The following ZNF385B variants were observed in gnomAD, a reference collection of about 807,000 sequenced individuals.
The protein encoded by ZNF385B is zinc finger protein 533.
In ZNF385B, 23 loss-of-function variants were observed where a neutral mutation model predicts 39.2. That is an observed-to-expected ratio of 0.59 (90% CI 0.42 to 0.83). The LOEUF is 0.83. Ranked by LOEUF, ZNF385B falls within the 40% of genes least tolerant of loss-of-function variation. ZNF385B has a pLI of 0.00. For synonymous variants in ZNF385B, 205 were observed against 222.6 expected, an observed-to-expected ratio of 0.92 and a Z score of 0.70; for missense variants, 552 against 598.9, an observed-to-expected ratio of 0.92 and a Z score of 0.82.
intron 3 of ZNF385B, among the ~76,000 whole-genome samples, chr2:179,698,664 A>G (rs566121496): frequency 3.9e-5 from 6 of 152,202 alleles, no homozygotes; most frequent in Non-Finnish European, 7.4e-5. Context: ...ATAGAGTTGA[A>G]AAGAGGAGTG....
intron 3 of ZNF385B, among the ~76,000 whole-genome samples, chr2:179,556,132 C>T (rs576128245): frequency 6.8e-6 from 1 of 147,648 alleles, no homozygotes; most frequent in South Asian, 2.2e-4. Flanking sequence ...AGAATATGTA[C>T]AGCCAAGTGG....
intron 3 of ZNF385B, among the ~76,000 whole-genome samples, chr2:179,625,623 A>C (rs1427341330): frequency 6.6e-6 from 1 of 152,058 alleles, no homozygotes; most frequent in African/African-American, 2.4e-5. Flanking sequence ...TGTGTGTGTG[A>C]GGTGCTTGAT....
chr2:179,803,306 G>A (rs755608159), intron 1 of ZNF385B, among the ~76,000 whole-genome samples: 1 of 152,036 alleles, frequency 6.6e-6, no homozygotes, highest in African/African-American at 2.4e-5. Context: ...CCACAGTAAT[G>A]TTTCGTTATA....
intron 3 of ZNF385B, among the ~76,000 whole-genome samples, chr2:179,605,449 C>T (rs2106115079): frequency 6.6e-6 from 1 of 152,002 alleles, no homozygotes; most frequent in African/African-American, 2.4e-5. Flanking sequence ...AAATGAGAGG[C>T]CAAGACATGA....
At chr2:179,808,369 G>A (rs868011554) in intron 1 of ZNF385B, among the ~76,000 whole-genome samples, 20 of 152,278 alleles carry the variant, frequency 1.3e-4, no homozygotes, top group Admixed American at 2.6e-4. Flanking sequence ...AAAGTAAAGT[G>A]CACACTCAAG....
At position 179,443,090 on chromosome 2, in the gene ZNF385B, C is replaced by G. The variant is rs1171010837; in HGVS notation, c.*160G>C. The G allele has an allele frequency of 1.4e-5, 11 of 784,710 alleles. No individual in the cohort carries two copies. The highest frequency in any genetic ancestry group is 1.5e-5 in the Non-Finnish European group (7 of 463,992). The allele number at this position is 784,710 out of a possible 1,614,324, so 48.6% of individuals were successfully genotyped here. A position where few individuals can be genotyped will look rare whatever the true frequency, so the allele number is the denominator to read the frequency against. On this transcript the variant is annotated 3_prime_UTR_variant, in exon 10 of 10. Transcript: ENST00000410066. ...GCAGTCTCTAAAAGCCCTCGTCAAT[C>G]TAGTGATGTGTTTCTCTCTGGAATT...
Position 179,586,810 on chromosome 2 carries a change from G to A in ZNF385B, c.299-41841C>T, listed in dbSNP as rs190453420. Among the ~76,000 whole-genome samples the A allele has an allele frequency of 2.0e-3, 299 of 152,216 alleles. 1 individual carries two copies. Among genetic ancestry groups the A allele is most frequent in the Middle Eastern group, 0.01 (3 of 294 alleles). On this transcript the variant is annotated intron_variant, in intron 3 of 9. Coordinates refer to ENST00000410066, the MANE Select transcript of ZNF385B (RefSeq NM_152520.6). ...TCCCAGCACTCTGGGAGGCCGAGGC[G>A]GGCGGATCACGAGGTCAGGAGTTCG...
At chr2:179,565,901 A>G (rs1684512078) in intron 3 of ZNF385B, among the ~76,000 whole-genome samples, 1 of 152,154 alleles carries the variant, frequency 6.6e-6, no homozygotes, top group Non-Finnish European at 1.5e-5. Context: ...CATTTTATTT[A>G]CATCTTCATT....
intron 3 of ZNF385B, chr2:179,745,849 A>G (rs1559155021): frequency 7.4e-7 from 1 of 1,355,516 alleles, no homozygotes; most frequent in Non-Finnish European, 9.5e-7. Flanking sequence ...AGCCCTGATT[A>G]TCTGTGTGAC....
intron 3 of ZNF385B, among the ~76,000 whole-genome samples, chr2:179,692,495 A>G (rs1698431900): frequency 6.6e-6 from 1 of 151,898 alleles, no homozygotes; most frequent in Admixed American, 6.6e-5. Context: ...TCTTGATGTG[A>G]CCTCCCCAAC....
At chr2:179,459,558 T>G (rs1468712994) in intron 6 of ZNF385B, among the ~76,000 whole-genome samples, 3 of 151,486 alleles carry the variant, frequency 2.0e-5, no homozygotes, top group Admixed American at 2.0e-4. Flanking sequence ...CTCAGTGGAA[T>G]TAATCATCTA....
At chr2:179,492,584 A>T (rs1438058893) in intron 5 of ZNF385B, among the ~76,000 whole-genome samples, 1 of 152,174 alleles carries the variant, frequency 6.6e-6, no homozygotes, top group Non-Finnish European at 1.5e-5. Flanking sequence ...GTGGCAAAGT[A>T]ACTTTGAAAG....
chr2:179,514,326 T>C (rs2057923383), intron 5 of ZNF385B: 1 of 152,252 alleles, frequency 6.6e-6, no homozygotes, highest in Non-Finnish European at 1.5e-5. Context: ...CTCTTCTACT[T>C]TTAAAGACCT....
At chr2:179,796,945 T>C (rs142794635) in intron 1 of ZNF385B, among the ~76,000 whole-genome samples, 503 of 152,258 alleles carry the variant, frequency 3.3e-3, no homozygotes, top group Middle Eastern at 6.8e-3. Flanking sequence ...AGGATTCTGG[T>C]AAATTTTAAG....
intron 4 of ZNF385B, among the ~76,000 whole-genome samples, chr2:179,543,463 G>A (rs894492705): frequency 3.3e-5 from 5 of 152,242 alleles, no homozygotes; most frequent in Non-Finnish European, 5.9e-5. Flanking sequence ...GTTCTATGAA[G>A]TATAGCTTAA....
At chr2:179,743,437 T>C (rs1215632783) in intron 3 of ZNF385B, among the ~76,000 whole-genome samples, 1 of 152,082 alleles carries the variant, frequency 6.6e-6, no homozygotes, top group Non-Finnish European at 1.5e-5. Context: ...GTGTAATCAC[T>C]TAACCCAGGC....
chr2:179,797,879 T>C (rs1705773996), intron 1 of ZNF385B, among the ~76,000 whole-genome samples: 1 of 152,192 alleles, frequency 6.6e-6, no homozygotes. Flanking sequence ...TATTGTGCGA[T>C]AGTAATACTC....
At chr2:179,811,116 T>C (rs111372505) in intron 1 of ZNF385B, among the ~76,000 whole-genome samples, 6 of 152,126 alleles carry the variant, frequency 3.9e-5, no homozygotes, top group African/African-American at 1.4e-4. Flanking sequence ...ATGTAAAAGA[T>C]TTTCATAGTG....
chr2:179,638,451 G>A (rs756946298), intron 3 of ZNF385B, among the ~76,000 whole-genome samples: 13 of 152,108 alleles, frequency 8.5e-5, no homozygotes, highest in Admixed American at 2.6e-4. Context: ...AAACTATTTC[G>A]TGTGTGTTGT....
Sources: allele counts gnomAD v4.1 joint callset (sites outside exome capture counted in the v4.1 genomes callset), GRCh38; gene constraint gnomAD v4.1.1; transcripts MANE v1.5; gene names NCBI Gene and HGNC (gene_info 2026-07-23, HGNC 2026-07-21).